Variants in GCH1 observed in about 807,000 individuals in gnomAD.
The protein encoded by GCH1 is GTP cyclohydrolase I.
A neutral mutation model predicts 25.9 loss-of-function variants in GCH1; 5 were observed. The observed-to-expected ratio is 0.19, with a 90% CI of 0.10 to 0.41. GCH1 has a LOEUF of 0.41. Among genes scored for constraint, GCH1 ranks in the 10% least tolerant of loss-of-function variants. The probability of loss-of-function intolerance (pLI) is 1.00; values close to 1 mark genes in which losing one functional copy is unlikely to be tolerated. For missense variants in GCH1, 261 were observed against 336.5 expected (o/e 0.78, Z 1.75); for synonymous variants, 159 against 129.6 (o/e 1.23, Z -1.54).
intron 1 of GCH1, among the ~76,000 whole-genome samples, chr14:54,880,067 G>A (rs373449495): frequency 9.3e-5 from 14 of 149,988 alleles, no homozygotes; most frequent in East Asian, 5.8e-4. Context: ...GCTTGAACCC[G>A]GAGGCGGAGG....
intron 1 of GCH1, among the ~76,000 whole-genome samples, chr14:54,871,906 A>G (rs2040084920): frequency 6.6e-6 from 1 of 152,228 alleles, no homozygotes; most frequent in Non-Finnish European, 1.5e-5. Flanking sequence ...GAATGGAACC[A>G]AGTTGGAAAA....
At chr14:54,854,427 G>A (rs1169638393) in intron 3 of GCH1, among the ~76,000 whole-genome samples, 1 of 152,150 alleles carries the variant, frequency 6.6e-6, no homozygotes, top group East Asian at 1.9e-4. Context: ...GTGAGCACAC[G>A]CAGCAGTGGA....
At chr14:54,895,908 A>T (rs2140118535) in intron 1 of GCH1, among the ~76,000 whole-genome samples, 1 of 152,300 alleles carries the variant, frequency 6.6e-6, no homozygotes, top group Non-Finnish European at 1.5e-5. Context: ...GTCACAGATG[A>T]CCACAGATGC....
At chr14:54,876,039 C>G (rs1320086485) in intron 1 of GCH1, among the ~76,000 whole-genome samples, 1 of 152,170 alleles carries the variant, frequency 6.6e-6, no homozygotes, top group African/African-American at 2.4e-5. Context: ...TATAAAGACA[C>G]ATGCACACGT....
chr14:54,885,607 C>T (rs2040340980), intron 1 of GCH1: 1 of 383,738 alleles, frequency 2.6e-6, no homozygotes, highest in Non-Finnish European at 5.0e-6. Flanking sequence ...AAGCTTGCAG[C>T]ACAAGGTGCA....
At chr14:54,880,891 C>T (rs1595008758) in intron 1 of GCH1, among the ~76,000 whole-genome samples, 1 of 146,536 alleles carries the variant, frequency 6.8e-6, no homozygotes, top group Non-Finnish European at 1.5e-5. Flanking sequence ...ATGCTGCAAT[C>T]TCGGCTTACC....
intron 3 of GCH1, among the ~76,000 whole-genome samples, chr14:54,851,721 C>A (rs1468369029): frequency 2.0e-5 from 3 of 152,134 alleles, no homozygotes; most frequent in Non-Finnish European, 4.4e-5. Flanking sequence ...AGTCAGGAAA[C>A]AACAGGTGCT....
At chr14:54,880,810 C>CAT (rs375570607) in intron 1 of GCH1, among the ~76,000 whole-genome samples, 487 of 44,632 alleles carry the variant, frequency 0.011, 86 homozygotes, top group African/African-American at 0.013. Context: ...ATATATACTC[C>CAT]ATATATATAT....
In GCH1 at chr14:54,882,853, C is replaced by A. The variant is rs188554784; in HGVS notation, c.344-17417G>T. 1.7e-4 allele frequency among the ~76,000 whole-genome samples: 26 copies of A among 152,322 alleles called. No individual in the cohort carries two copies. In the East Asian group the frequency reaches 4.8e-3, roughly 28 times the overall value. ...GTGCGCAAGCCACCATCATTAGTGA[C>A]AGATGAAGAGATAAGGGATCTTCCT... On this transcript the variant is annotated intron_variant, in intron 1 of 5. Coordinates refer to ENST00000491895, the MANE Select transcript of GCH1 (RefSeq NM_000161.3).
At chr14:54,863,718 A>C (rs1468913059) in intron 2 of GCH1, among the ~76,000 whole-genome samples, 5 of 152,184 alleles carry the variant, frequency 3.3e-5, no homozygotes, top group Non-Finnish European at 7.3e-5. Flanking sequence ...TAGTTGAAAA[A>C]CAAGAAAACG....
intron 2 of GCH1, among the ~76,000 whole-genome samples, chr14:54,862,122 G>A (rs1292024622): frequency 1.3e-5 from 2 of 152,104 alleles, no homozygotes; most frequent in Non-Finnish European, 2.9e-5. Context: ...TGAAACTCCT[G>A]AGCTCAAGCA....
chr14:54,843,439 C>A lies in GCH1; in HGVS notation c.*578G>T, dbSNP rs923825729. 13 of 1,225,328 alleles carry A rather than the reference C, an allele frequency of 1.1e-5. No individual in the cohort carries two copies. The highest frequency in any genetic ancestry group is 6.2e-5 in the African/African-American group (4 of 64,426). The allele number at this position is 1,225,328 out of a possible 1,614,324, so 75.9% of individuals were successfully genotyped here. A position where few individuals can be genotyped will look rare whatever the true frequency, so the allele number is the denominator to read the frequency against. The stretch of plus-strand genomic sequence containing the variant: ...GTGCCTTTTTAACTCACAGTAAAAT[C>A]AAAAACATAGACATTCCACCACCTT... On this transcript the variant is annotated 3_prime_UTR_variant, in exon 6 of 6. Transcript: ENST00000491895.
At chr14:54,863,191 G>A (rs764597130) in intron 2 of GCH1, among the ~76,000 whole-genome samples, 7 of 151,940 alleles carry the variant, frequency 4.6e-5, no homozygotes, top group East Asian at 1.9e-4. Flanking sequence ...AGGCCAAGGC[G>A]GGCGGATCAC....
At chr14:54,872,524 A>T (rs1266516118) in intron 1 of GCH1, among the ~76,000 whole-genome samples, 2 of 152,338 alleles carry the variant, frequency 1.3e-5, no homozygotes, top group South Asian at 4.1e-4. Flanking sequence ...AAATGGGCTA[A>T]ATGCTCCAAT....
Position 54,843,214 on chromosome 14 carries a change from T to C in GCH1, c.*803A>G. On this transcript the variant is annotated 3_prime_UTR_variant, in exon 6 of 6. Transcript: ENST00000491895. ...AAGTTAAAACTGAGCTGACTAGTTA[T>C]TTGCAGTGTGAGTACTAAGTCTCAT... 2 of 1,436,506 alleles carry C rather than the reference T, an allele frequency of 1.4e-6. No individual in the cohort carries two copies. Among genetic ancestry groups the C allele is most frequent in the South Asian group, 3.2e-5 (2 of 62,752 alleles). The allele number at this position is 1,436,506 out of a possible 1,614,324, so 89.0% of individuals were successfully genotyped here.
intron 1 of GCH1, among the ~76,000 whole-genome samples, chr14:54,893,338 T>C (rs10133661): frequency 0.042 from 6,375 of 152,250 alleles, 486 homozygotes; most frequent in African/African-American, 0.15. Flanking sequence ...GATTAGACAG[T>C]TGCCCTCTCC....
chr14:54,843,774 G>A lies in GCH1; in HGVS notation c.*243C>T, dbSNP rs841. 0.21 allele frequency: 339,747 copies of A among 1,613,118 alleles called. 37,505 individuals carry two copies. The highest frequency in any genetic ancestry group is 0.38 in the East Asian group (17,202 of 44,842). On this transcript the variant is annotated 3_prime_UTR_variant, in exon 6 of 6. Coordinates refer to ENST00000491895, the MANE Select transcript of GCH1 (RefSeq NM_000161.3). The stretch of plus-strand genomic sequence containing the variant: ...GTTATCTGGCAGTGGTTTTGTGCAC[G>A]TACTTACACTATTAGCAGTTCACTT...
At chr14:54,860,386 A>G (rs954611293) in intron 2 of GCH1, among the ~76,000 whole-genome samples, 6 of 152,134 alleles carry the variant, frequency 3.9e-5, no homozygotes, top group African/African-American at 4.8e-5. Flanking sequence ...AACTGTAAGC[A>G]TAAGTATTGC....
intron 1 of GCH1, among the ~76,000 whole-genome samples, chr14:54,881,686 T>C (rs755621425): frequency 2.2e-4 from 33 of 152,212 alleles, no homozygotes; most frequent in Non-Finnish European, 3.7e-4. Flanking sequence ...AGCTTTGATA[T>C]GCTCCACAAA....
Sources: gnomAD v4.1 joint callset for allele counts (sites outside exome capture counted in the v4.1 genomes callset) on GRCh38, gnomAD v4.1.1 for gene constraint, MANE v1.5 for transcripts, NCBI Gene and HGNC (gene_info 2026-07-23, HGNC 2026-07-21) for gene names.